IQCH: variants seen among roughly 807,000 people sequenced by gnomAD.
IQCH encodes IQ motif containing H, also known as IQ domain-containing protein H.
IQCH carries 98 observed loss-of-function variants against 117.0 expected under a neutral mutation model. The ratio of observed to expected loss-of-function variants is 0.84; its 90% CI spans 0.71 to 0.99. The LOEUF (loss-of-function observed/expected upper bound fraction) is 0.99, where lower values mean the gene tolerates loss of function less well. Among genes scored for constraint, IQCH ranks in the 50% least tolerant of loss-of-function variants. IQCH has a pLI of 0.00. For missense variants in IQCH, 1,102 were observed against 1,243.8 expected (o/e 0.89, Z 1.72); for synonymous variants, 412 against 448.2 (o/e 0.92, Z 1.02).
At chr15:67,357,886 C>T (rs1033139891) in intron 7 of IQCH, among the ~76,000 whole-genome samples, 1 of 151,944 alleles carries the variant, frequency 6.6e-6, no homozygotes, top group Non-Finnish European at 1.5e-5. Context: ...GACAGAGTCT[C>T]ACTTACTCTG....
intron 4 of IQCH, among the ~76,000 whole-genome samples, chr15:67,297,108 G>C (rs1446648430): frequency 6.6e-6 from 1 of 152,212 alleles, no homozygotes; most frequent in Admixed American, 6.5e-5. Flanking sequence ...GTTAAGTGAT[G>C]CTGTGATTGT....
chr15:67,297,742 A>G (rs1966863844), intron 4 of IQCH, among the ~76,000 whole-genome samples: 1 of 152,168 alleles, frequency 6.6e-6, no homozygotes, highest in Admixed American at 6.5e-5. Flanking sequence ...ATTTCATTTT[A>G]CCTAAACAGT....
At chr15:67,303,065 C>A (rs1174716721) in intron 4 of IQCH, among the ~76,000 whole-genome samples, 3 of 152,194 alleles carry the variant, frequency 2.0e-5, no homozygotes, top group Non-Finnish European at 2.9e-5. Flanking sequence ...ATGAACAAAT[C>A]TGTCCAATTC....
intron 8 of IQCH, among the ~76,000 whole-genome samples, chr15:67,361,145 A>G (rs537875800): frequency 1.3e-5 from 2 of 152,350 alleles, no homozygotes; most frequent in Admixed American, 6.5e-5. Context: ...TCCAGCTGAC[A>G]GAGTGAAGCT....
At chr15:67,483,176 T>C (rs1202274212) in intron 18 of IQCH, among the ~76,000 whole-genome samples, 2 of 152,118 alleles carry the variant, frequency 1.3e-5, no homozygotes, top group East Asian at 1.9e-4. Context: ...GTTTGAGATA[T>C]ATATAAAACA....
intron 13 of IQCH, among the ~76,000 whole-genome samples, chr15:67,398,603 C>A (rs1211455703): frequency 6.6e-6 from 1 of 152,080 alleles, no homozygotes; most frequent in African/African-American, 2.4e-5. Flanking sequence ...ATAGTATCCC[C>A]AGGAAGATTT....
At chr15:67,280,732 G>A (rs1399032418) in intron 4 of IQCH, among the ~76,000 whole-genome samples, 1 of 152,006 alleles carries the variant, frequency 6.6e-6, no homozygotes, top group African/African-American at 2.4e-5. Flanking sequence ...AGCATGCCCT[G>A]ACTTAAAAGT....
Position 67,385,104 on chromosome 15 carries a change from T to G in IQCH, c.1456+85T>G, listed in dbSNP as rs572468927. The G allele has an allele frequency of 1.2e-6, 1 of 845,840 alleles. No individual in the cohort carries two copies. Among genetic ancestry groups the G allele is most frequent in the South Asian group, 1.7e-5 (1 of 59,582 alleles). 52.4% of individuals were successfully genotyped at this position (845,840 alleles called of 1,614,324 possible). A position where few individuals can be genotyped will look rare whatever the true frequency, so the allele number is the denominator to read the frequency against. On this transcript the variant is annotated intron_variant, in intron 11 of 20. Coordinates refer to ENST00000335894, the MANE Select transcript of IQCH (RefSeq NM_001031715.3). This position sits in a 1 kb window ranked among gnomAD's most constrained non-coding sequence, Gnocchi z 4.6. ...GAATGTGTTGTTTTGTTTGTTTGTT[T>G]TTTGCTTATTTTTTTCCTCTACAAG...
intron 16 of IQCH, among the ~76,000 whole-genome samples, chr15:67,428,452 G>T (rs2081942142): frequency 6.6e-6 from 1 of 152,162 alleles, no homozygotes; most frequent in African/African-American, 2.4e-5. Flanking sequence ...ACATTATGTT[G>T]CATGGCAAAA....
At chr15:67,482,275 T>C (rs906148706) in intron 18 of IQCH, among the ~76,000 whole-genome samples, 1 of 152,208 alleles carries the variant, frequency 6.6e-6, no homozygotes, top group African/African-American at 2.4e-5. Context: ...ATTTCAGAAT[T>C]ACTACAAAGC....
rs1162201691 is a variant in IQCH at position 67,474,121 on chromosome 15, T to G, written c.2677-1575T>G. On this transcript the variant is annotated intron_variant, in intron 17 of 20. Transcript: ENST00000335894. The surrounding 1 kb of genome is among the most constrained non-coding windows in gnomAD (Gnocchi z 4.1). Reference sequence around the variant, plus strand: ...GTGTGTGTGGAGAGGGAGAGAGGGATGCAGGAGAGGAAAGGAGGTCTATTC... The same window carrying G: ...GTGTGTGTGGAGAGGGAGAGAGGGAGGCAGGAGAGGAAAGGAGGTCTATTC... Among the ~76,000 whole-genome samples the G allele has an allele frequency of 7.0e-6, 1 of 142,392 alleles. No homozygotes were observed. Among genetic ancestry groups the G allele is most frequent in the African/African-American group, 2.6e-5 (1 of 38,006 alleles). The allele number at this position is 142,392 out of a possible 152,430, so 93.4% of individuals were successfully genotyped here. A position where few individuals can be genotyped will look rare whatever the true frequency, so the allele number is the denominator to read the frequency against.
rs1229477378 is a variant in IQCH at position 67,454,803 on chromosome 15, A to G, written c.2506-10324A>G. Among the ~76,000 whole-genome samples the G allele has an allele frequency of 6.6e-6, 1 of 152,182 alleles. No individual in the cohort carries two copies. Among genetic ancestry groups the G allele is most frequent in the Non-Finnish European group, 1.5e-5 (1 of 68,040 alleles). On this transcript the variant is annotated intron_variant, in intron 16 of 20. Transcript: ENST00000335894. The surrounding 1 kb of genome is among the most constrained non-coding windows in gnomAD (Gnocchi z 5.2). ...ACCACATTTTGTTAATTTATTCATC[A>G]GTGAATGGGTATTTGGGTTGTGTCC...
At chr15:67,478,870 G>A (rs1416938628) in intron 18 of IQCH, among the ~76,000 whole-genome samples, 1 of 151,942 alleles carries the variant, frequency 6.6e-6, no homozygotes, top group Non-Finnish European at 1.5e-5. Context: ...GTTGCAGTGA[G>A]CCGAGATTGC....
rs1018685394 is a variant in IQCH, at chr15:67,436,785, C to A, written c.2505+15208C>A. Reference sequence around the variant, plus strand: ...GAGGCCTGTGACTGCTGGCTTTCCCCCACTTCCCTGACAACCTGCATGACT... The same window carrying A: ...GAGGCCTGTGACTGCTGGCTTTCCCACACTTCCCTGACAACCTGCATGACT... On this transcript the variant is annotated intron_variant, in intron 16 of 20. Coordinates refer to ENST00000335894, the MANE Select transcript of IQCH (RefSeq NM_001031715.3). This position sits in a 1 kb window ranked among gnomAD's most constrained non-coding sequence, Gnocchi z 5.1. Among the ~76,000 whole-genome samples, 9 of 152,196 alleles carry A rather than the reference C, an allele frequency of 5.9e-5. No individual in the cohort carries two copies. The highest frequency in any genetic ancestry group is 1.9e-4 in the African/African-American group (8 of 41,512).
Position 67,496,273 on chromosome 15 carries a change from T to C in IQCH, c.2970+1907T>C, listed in dbSNP as rs1343077474. Among the ~76,000 whole-genome samples, 3 of 152,000 alleles carry C rather than the reference T, an allele frequency of 2.0e-5. No homozygotes were observed. Among genetic ancestry groups the C allele is most frequent in the African/African-American group, 7.3e-5 (3 of 41,360 alleles). Reference sequence around the variant, plus strand: ...TTGAGGCTGCAGTGAGTCTGGGTGATGGGAGTAAGAATAAAAAAAAGGAAG... The same window carrying C: ...TTGAGGCTGCAGTGAGTCTGGGTGACGGGAGTAAGAATAAAAAAAAGGAAG... On this transcript the variant is annotated intron_variant, in intron 20 of 20. Transcript: ENST00000335894. This position sits in a 1 kb window ranked among gnomAD's most constrained non-coding sequence, Gnocchi z 4.4.
chr15:67,325,064 T>C (rs540146947), intron 4 of IQCH, among the ~76,000 whole-genome samples: 1 of 152,302 alleles, frequency 6.6e-6, no homozygotes, highest in African/African-American at 2.4e-5. Flanking sequence ...TTATACCACA[T>C]GACTTTGTCC....
rs1596092286 is a variant in IQCH at position 67,281,944 on chromosome 15, G to C, written c.387+2432G>C. 4 of 359,992 alleles carry C rather than the reference G, an allele frequency of 1.1e-5. No individual in the cohort carries two copies. In the East Asian group the frequency reaches 2.2e-4, roughly 20 times the overall value. 22.3% of individuals were successfully genotyped at this position (359,992 alleles called of 1,614,324 possible). ...GCAGCCCTCTCCTATCTCTGTCCTT[G>C]CACTTGTTACATTGGGTCTGTCAGC... On this transcript the variant is annotated intron_variant, in intron 4 of 20. Coordinates refer to ENST00000335894, the MANE Select transcript of IQCH (RefSeq NM_001031715.3).
At position 67,406,976 on chromosome 15, in the gene IQCH, T is replaced by A. The variant is rs528080423; in HGVS notation, c.2097+6671T>A. On this transcript the variant is annotated intron_variant, in intron 14 of 20. Coordinates refer to ENST00000335894, the MANE Select transcript of IQCH (RefSeq NM_001031715.3). This position sits in a 1 kb window ranked among gnomAD's most constrained non-coding sequence, Gnocchi z 4.5. ...CAAAATACAGGTAACATTGAACAAG[T>A]ACATACAACTTAATCTTTCTTTGGT... is the stretch of plus-strand genomic sequence containing the variant. 6.6e-6 allele frequency: 1 copy of A among 152,242 alleles called. No homozygotes were observed. The highest frequency in any genetic ancestry group is 1.5e-5 in the Non-Finnish European group (1 of 68,042). The allele number at this position is 152,242 out of a possible 1,614,324, so 9.4% of individuals were successfully genotyped here.
At position 67,372,377 on chromosome 15, in the gene IQCH, T is replaced by G. The variant is rs754222282; in HGVS notation, c.1020T>G (p.Tyr340Ter). The change falls in exon 9 of 21, where the codon TAT (tyrosine) becomes TAG (stop). Residue 340 changes from tyrosine (Y) to a stop codon, truncating the protein, a stop_gained. Coordinates refer to ENST00000335894, the MANE Select transcript of IQCH (RefSeq NM_001031715.3). LOFTEE classifies it high-confidence loss of function. ...EFELTNKLTR[Y>*]DLLSVLEDPA... is the part of the protein sequence containing the mutation. The stretch of plus-strand genomic sequence containing the variant: ...AGCTGACGAATAAACTTACCAGATA[T>G]GACCTTCTCTCAGTGTTAGAGGACC... 6.2e-7 allele frequency: 1 copy of G among 1,614,152 alleles called. No homozygotes were observed. The highest frequency in any genetic ancestry group is 8.5e-7 in the Non-Finnish European group (1 of 1,180,016).
Sources: allele counts gnomAD v4.1 joint callset (sites outside exome capture counted in the v4.1 genomes callset), GRCh38; gene constraint gnomAD v4.1.1; non-coding constraint Gnocchi (gnomAD v3.1); transcripts MANE v1.5; gene names NCBI Gene and HGNC (gene_info 2026-07-23, HGNC 2026-07-21).